The following MAP3K15 variants were observed in gnomAD, a reference collection of about 807,000 sequenced individuals.
The protein encoded by MAP3K15 is MAPK/ERK kinase kinase 15.
Under a neutral mutation model 99.5 loss-of-function variants are expected in MAP3K15, and 124 were observed. That is an observed-to-expected ratio of 1.25 (90% CI 1.08 to 1.45). MAP3K15 has a LOEUF of 1.45. Ranked by LOEUF, MAP3K15 falls within the 40% of genes most tolerant of loss-of-function variation. The pLI is 0.00. For missense variants in MAP3K15, 1,242 were observed against 1,079.7 expected (o/e 1.15, Z -2.11); for synonymous variants, 494 against 439.6 (o/e 1.12, Z -1.55).
chrX:19,443,244 G>T (rs977478013), intron 6 of MAP3K15, among the ~76,000 whole-genome samples: 2 of 107,267 alleles, frequency 1.9e-5, no homozygotes, highest in African/African-American at 3.4e-5. Flanking sequence ...TGTAGACCAG[G>T]CTGGTCTCAA....
At chrX:19,367,361 T>C (rs999165778) in intron 25 of MAP3K15, among the ~76,000 whole-genome samples, 16 of 108,956 alleles carry the variant, frequency 1.5e-4, no homozygotes, top group African/African-American at 5.5e-4. Context: ...GAAAAGCAAC[T>C]AATGGATACT....
At chrX:19,392,566 T>C in intron 16 of MAP3K15, 93 bp from the exon 17 acceptor site, 1 of 926,717 alleles carries the variant, frequency 1.1e-6, no homozygotes, top group Non-Finnish European at 1.5e-6. Context: ...TAACCTAACC[T>C]AAGTGCTTAC....
At chrX:19,382,114 A>C (rs189676599) in intron 18 of MAP3K15, among the ~76,000 whole-genome samples, 82 of 110,244 alleles carry the variant, frequency 7.4e-4, no homozygotes, top group Middle Eastern at 4.6e-3. Flanking sequence ...TTAGCCAGAC[A>C]TGGTGGTGGG....
At chrX:19,377,026 G>A (rs1437356538) in intron 19 of MAP3K15, among the ~76,000 whole-genome samples, 3 of 111,879 alleles carry the variant, frequency 2.7e-5, no homozygotes, top group Non-Finnish European at 5.6e-5. Flanking sequence ...GGTACTGGGG[G>A]TTAGGACTTC....
rs1461540417 is a variant in MAP3K15 at position 19,431,467 on chromosome X, A to G, written c.1137T>C (p.Asp379=). 1.7e-6 allele frequency: 2 copies of G among 1,200,417 alleles called. No individual in the cohort carries two copies. The highest frequency in any genetic ancestry group is 4.6e-4 in the Middle Eastern group (2 of 4,337). Residue 379 remains aspartate (D), a synonymous_variant, in exon 7 of 29, where the codon GAT becomes GAC. Coordinates refer to ENST00000338883, the MANE Select transcript of MAP3K15 (RefSeq NM_001001671.4). ...CAATGGCGCTGTCGCGGCTGGTGTC[A>G]TCTTTGCAGTCTGAATCCAAGAAGA... ...KDIFLDSDCK[D]DTSRDSAIEW...
In MAP3K15 at chrX:19,431,712, G is replaced by A. The variant is rs750032096; in HGVS notation, c.996-104C>T. The A allele has an allele frequency of 2.6e-3, 1,657 of 629,295 alleles. 1 individual carries two copies. Among genetic ancestry groups the A allele is most frequent in the Non-Finnish European group, 3.2e-3 (1,381 of 429,195 alleles). The allele number at this position is 629,295 out of a possible 1,213,427, so 51.9% of individuals were successfully genotyped here. On this transcript the variant is annotated intron_variant, in intron 6 of 28. Coordinates refer to ENST00000338883, the MANE Select transcript of MAP3K15 (RefSeq NM_001001671.4). ...TGTAATCCCAGCACTTTGGGAGGCC[G>A]AAGCGGGTAGATCATTTGAGGTCAG...
chrX:19,456,240 GC>G (rs1324584662), intron 6 of MAP3K15, among the ~76,000 whole-genome samples: 8 of 111,901 alleles, frequency 7.1e-5, no homozygotes, highest in Non-Finnish European at 9.4e-5. Flanking sequence ...CAACCTAGAG[GC>G]CCATCAGCAG....
chrX:19,372,665 C>T lies in MAP3K15; in HGVS notation c.3096G>A (p.Glu1032=). Residue 1032 remains glutamate (E), a synonymous_variant, in exon 22 of 29, where the codon GAG becomes GAA. Transcript: ENST00000338883. ...CTCGGGCAAATACCTGGGCCACACA[C>T]TCCTGCAGGTTGGAAGCCACCTGGT... ...EQNQVASNLQ[E]CVAQSSEELH... The T allele has an allele frequency of 1.7e-6, 2 of 1,209,186 alleles. No individual in the cohort carries two copies. The highest frequency in any genetic ancestry group is 3.5e-5 in the South Asian group (2 of 56,624).
intron 13 of MAP3K15, among the ~76,000 whole-genome samples, chrX:19,402,976 T>A (rs1472583283): frequency 7.2e-5 from 8 of 111,710 alleles, no homozygotes; most frequent in African/African-American, 2.6e-4. Flanking sequence ...ATGAATATTA[T>A]TTTAAGGGAA....
chrX:19,389,646 A>T (rs981090901), intron 18 of MAP3K15, among the ~76,000 whole-genome samples: 1 of 112,418 alleles, frequency 8.9e-6, no homozygotes, highest in East Asian at 2.8e-4. Context: ...CCCCAAGCCA[A>T]TTACTTGGGA....
chrX:19,360,695 T>G lies in MAP3K15; in HGVS notation c.*54A>C, dbSNP rs1005064401. 3.1e-6 allele frequency: 3 copies of G among 976,449 alleles called. No individual in the cohort carries two copies. The highest frequency in any genetic ancestry group is 2.0e-5 in the South Asian group (1 of 49,900). The allele number at this position is 976,449 out of a possible 1,213,427, so 80.5% of individuals were successfully genotyped here. A position where few individuals can be genotyped will look rare whatever the true frequency, so the allele number is the denominator to read the frequency against. On this transcript the variant is annotated 3_prime_UTR_variant, in exon 29 of 29. Coordinates refer to ENST00000338883, the MANE Select transcript of MAP3K15 (RefSeq NM_001001671.4). ...ATTCGTGTATACACTAACAGAAGCT[T>G]TAACAAAACATGTAGCGTGGTGGGA...
intron 6 of MAP3K15, among the ~76,000 whole-genome samples, chrX:19,454,816 C>A (rs913701771): frequency 2.7e-5 from 3 of 111,980 alleles, no homozygotes; most frequent in South Asian, 7.4e-4. Context: ...TGCAGTATTT[C>A]AGATTTTGGA....
rs1305943218 is a variant in MAP3K15, at chrX:19,373,822, T to G, written c.2774-127A>C. 3 of 723,882 alleles carry G rather than the reference T, an allele frequency of 4.1e-6. No individual in the cohort carries two copies. In the African/African-American group the frequency reaches 6.5e-5, roughly 16 times the overall value. 59.7% of individuals were successfully genotyped at this position (723,882 alleles called of 1,213,427 possible). A position where few individuals can be genotyped will look rare whatever the true frequency, so the allele number is the denominator to read the frequency against. ...CCCAGGATCCTGTAGAAATGTGGGT[T>G]GGGCGGGGGACGGGCCACAGGTGCT... is the stretch of plus-strand genomic sequence containing the variant. On this transcript the variant is annotated intron_variant, in intron 20 of 28. Coordinates refer to ENST00000338883, the MANE Select transcript of MAP3K15 (RefSeq NM_001001671.4).
At chrX:19,407,847 G>A (rs1473269213) in intron 12 of MAP3K15, among the ~76,000 whole-genome samples, 2 of 112,307 alleles carry the variant, frequency 1.8e-5, no homozygotes. Flanking sequence ...GCCAGTGACA[G>A]GAAATCTGCT....
At chrX:19,460,769 T>G (rs190405358) in intron 4 of MAP3K15, among the ~76,000 whole-genome samples, 1,382 of 110,183 alleles carry the variant, frequency 0.013, 5 homozygotes, top group African/African-American at 0.024. Context: ...TTGTTTTTTT[T>G]TTTTTATTTT....
intron 9 of MAP3K15, among the ~76,000 whole-genome samples, chrX:19,419,273 T>C (rs1260884211): frequency 9.0e-6 from 1 of 111,138 alleles, no homozygotes; most frequent in Non-Finnish European, 1.9e-5. Context: ...GACCCATCAG[T>C]GTGCTGTATT....
In MAP3K15 at chrX:19,446,492, ATAG is replaced by A. The variant is rs1379945945; in HGVS notation, c.995+10418_995+10420del. 3.3e-3 allele frequency among the ~76,000 whole-genome samples: 371 copies of A among 112,131 alleles called. 3 individuals carry two copies. Among genetic ancestry groups the A allele is most frequent in the African/African-American group, 0.011 (344 of 30,887 alleles). ...TGGTGACCTGCCTAAGGCCATGCAG[ATAG>A]TGGTGGAGTCGTAACCTGGCTCATG... On this transcript the variant is annotated intron_variant, in intron 6 of 28. Transcript: ENST00000338883.
intron 15 of MAP3K15, among the ~76,000 whole-genome samples, chrX:19,396,979 A>G (rs1317233262): frequency 9.3e-6 from 1 of 107,410 alleles, no homozygotes; most frequent in Admixed American, 1.0e-4. Context: ...GGCTCACTGT[A>G]GCCTCTGCCT....
chrX:19,412,417 C>T (rs1025142565), intron 11 of MAP3K15, among the ~76,000 whole-genome samples: 8 of 111,652 alleles, frequency 7.2e-5, no homozygotes, highest in Non-Finnish European at 1.3e-4. Flanking sequence ...AGACACTCAG[C>T]GGAAGGAATG....
Sources: gnomAD v4.1 joint callset for allele counts (sites outside exome capture counted in the v4.1 genomes callset) on GRCh38, gnomAD v4.1.1 for gene constraint, MANE v1.5 for transcripts, NCBI Gene and HGNC (gene_info 2026-07-23, HGNC 2026-07-21) for gene names.